Variants in KHDRBS2 observed in about 807,000 individuals in gnomAD.
The protein encoded by KHDRBS2 is KH domain-containing, RNA-binding, signal transduction-associated protein 2.
KHDRBS2 carries 26 observed loss-of-function variants against 44.3 expected under a neutral mutation model. That is an observed-to-expected ratio of 0.59 (90% confidence interval 0.43 to 0.81). The LOEUF (loss-of-function observed/expected upper bound fraction) is 0.81, where lower values mean the gene tolerates loss of function less well. Ranked by LOEUF, KHDRBS2 falls within the 40% of genes least tolerant of loss-of-function variation. KHDRBS2 has a pLI of 0.00. For missense variants in KHDRBS2, 476 were observed against 433.1 expected (o/e 1.10, Z -0.88); for synonymous variants, 194 against 151.1 (o/e 1.28, Z -2.08).
At chr6:61,596,152 A>G in the KHDRBS2 span, among the ~76,000 whole-genome samples, 1 of 152,134 alleles carries the variant, frequency 6.6e-6, no homozygotes, top group Non-Finnish European at 1.5e-5. Flanking sequence ...CTCAAAAACA[A>G]AGACATAAGC....
intron 1 of KHDRBS2, among the ~76,000 whole-genome samples, chr6:62,280,219 TATAAGAACGTC>T (rs1402008096): frequency 2.6e-5 from 4 of 152,204 alleles, no homozygotes; most frequent in Admixed American, 6.5e-5. Context: ...GTAAGCATAT[TATAAGAACGTC>T]AAGGGGTATG....
At chr6:62,164,933 T>G (rs903950220) in intron 2 of KHDRBS2, among the ~76,000 whole-genome samples, 1 of 151,894 alleles carries the variant, frequency 6.6e-6, no homozygotes, top group Non-Finnish European at 1.5e-5. Context: ...TTTTTTGAAA[T>G]TTCCCTTACA....
chr6:62,037,631 T>A (rs186234208), intron 3 of KHDRBS2, among the ~76,000 whole-genome samples: 4 of 151,942 alleles, frequency 2.6e-5, no homozygotes, highest in African/African-American at 9.7e-5. Context: ...AATGTAAACA[T>A]CACAGCTTCT....
At chr6:61,559,811 C>T in the KHDRBS2 span, among the ~76,000 whole-genome samples, 1 of 152,130 alleles carries the variant, frequency 6.6e-6, no homozygotes, top group Admixed American at 6.5e-5. Context: ...ATTGGTTCAT[C>T]TTTTAGTCTT....
intron 1 of KHDRBS2, among the ~76,000 whole-genome samples, chr6:62,263,329 G>A (rs929738174): frequency 1.3e-5 from 2 of 151,526 alleles, no homozygotes; most frequent in East Asian, 1.9e-4. Context: ...TTTTTAGTAT[G>A]TTTGGGATCT....
At chr6:61,576,674 A>T in the KHDRBS2 span, among the ~76,000 whole-genome samples, 2 of 152,176 alleles carry the variant, frequency 1.3e-5, no homozygotes, top group East Asian at 3.9e-4. Flanking sequence ...TAGCTGACAC[A>T]AAATAAACTG....
chr6:61,719,503 A>G (rs1221230818), intron 7 of KHDRBS2, among the ~76,000 whole-genome samples: 1 of 152,078 alleles, frequency 6.6e-6, no homozygotes, highest in Non-Finnish European at 1.5e-5. Context: ...CAGAATTTAA[A>G]TGTTTGGTCC....
chr6:62,189,984 A>C (rs1824256232), intron 1 of KHDRBS2, among the ~76,000 whole-genome samples: 1 of 152,128 alleles, frequency 6.6e-6, no homozygotes, highest in Admixed American at 6.6e-5. Flanking sequence ...TGTCATTAGC[A>C]TATGATTGAT....
At chr6:62,139,838 C>T (rs1812398300) in intron 2 of KHDRBS2, among the ~76,000 whole-genome samples, 1 of 151,950 alleles carries the variant, frequency 6.6e-6, no homozygotes, top group South Asian at 2.1e-4. Flanking sequence ...GGTAATTAAC[C>T]CAGATTCTCT....
chr6:61,953,616 A>G (rs906222355), intron 4 of KHDRBS2, among the ~76,000 whole-genome samples: 2 of 152,124 alleles, frequency 1.3e-5, no homozygotes, highest in African/African-American at 4.8e-5. Context: ...CTCTGAAACA[A>G]AGTTGTAAAA....
chr6:61,644,768 T>C, the KHDRBS2 span, among the ~76,000 whole-genome samples: 1 of 152,130 alleles, frequency 6.6e-6, no homozygotes. Context: ...TACCATCTTA[T>C]ACTAGTCAGG....
chr6:62,204,698 A>T (rs1216486246), intron 1 of KHDRBS2, among the ~76,000 whole-genome samples: 1 of 152,066 alleles, frequency 6.6e-6, no homozygotes, highest in Non-Finnish European at 1.5e-5. Flanking sequence ...TTTATTCCAG[A>T]CTAATTTTTT....
intron 1 of KHDRBS2, among the ~76,000 whole-genome samples, chr6:62,240,650 A>ATGTG (rs1236403215): frequency 1.6e-4 from 14 of 85,600 alleles, no homozygotes; most frequent in African/African-American, 7.2e-4. Context: ...GTGTGTGTGT[A>ATGTG]TGTGTGTATG....
intron 6 of KHDRBS2, among the ~76,000 whole-genome samples, chr6:61,810,504 T>A (rs2127592469): frequency 6.6e-6 from 1 of 152,244 alleles, no homozygotes; most frequent in African/African-American, 2.4e-5. Flanking sequence ...TTGTATATTC[T>A]AATAAATAAT....
At chr6:61,616,493 A>G in the KHDRBS2 span, among the ~76,000 whole-genome samples, 1 of 126,828 alleles carries the variant, frequency 7.9e-6, no homozygotes, top group Admixed American at 8.3e-5. Context: ...ATATATATAT[A>G]TATATAATGC....
At chr6:61,675,070 T>C (rs1408080413), downstream of KHDRBS2, among the ~76,000 whole-genome samples, 2 of 151,762 alleles carry the variant, frequency 1.3e-5, no homozygotes, top group Non-Finnish European at 2.9e-5. Flanking sequence ...CCAGCTACTT[T>C]GAAATGTATG....
chr6:61,744,482 G>A (rs968763766), intron 6 of KHDRBS2, among the ~76,000 whole-genome samples: 13 of 152,226 alleles, frequency 8.5e-5, no homozygotes, highest in African/African-American at 2.9e-4. Flanking sequence ...TTAGGGCCTT[G>A]TATTCTTGGC....
intron 1 of KHDRBS2, among the ~76,000 whole-genome samples, chr6:62,274,140 T>G (rs1393041845): frequency 6.6e-6 from 1 of 152,114 alleles, no homozygotes; most frequent in African/African-American, 2.4e-5. Flanking sequence ...TTAACCATAT[T>G]GGTCAGGCTG....
At chr6:61,870,688 A>T (rs1798535688) in intron 6 of KHDRBS2, among the ~76,000 whole-genome samples, 1 of 152,180 alleles carries the variant, frequency 6.6e-6, no homozygotes, top group African/African-American at 2.4e-5. Context: ...AACAGGCAGC[A>T]ATTTTTGCTG....
Sources: allele counts gnomAD v4.1 joint callset (sites outside exome capture counted in the v4.1 genomes callset), GRCh38; gene constraint gnomAD v4.1.1; transcripts MANE v1.5; gene names NCBI Gene and HGNC (gene_info 2026-07-23, HGNC 2026-07-21).